The following KIF5C variants were observed in gnomAD, a reference collection of about 807,000 sequenced individuals.
KIF5C encodes kinesin family member 5C.
KIF5C carries 18 observed loss-of-function variants against 125.2 expected under a neutral mutation model. The observed-to-expected ratio is 0.14, with a 90% confidence interval of 0.10 to 0.21. The LOEUF (loss-of-function observed/expected upper bound fraction) is 0.21. Among genes scored for constraint, KIF5C ranks in the 10% least tolerant of loss-of-function variants. KIF5C has a pLI of 1.00. For synonymous variants in KIF5C, 405 were observed against 434.0 expected, an observed-to-expected ratio of 0.93 and a Z score of 0.83; for missense variants, 780 against 1,183.8, an observed-to-expected ratio of 0.66 and a Z score of 5.01.
chr2:148,929,220 A>T, intron 2 of KIF5C, 61 bp from the exon 3 acceptor site: 1 of 1,032,632 alleles, frequency 9.7e-7, no homozygotes. Flanking sequence ...AAAATATGCA[A>T]CCTACACCAG....
At chr2:148,998,063 T>G in intron 18 of KIF5C, 1 of 332,818 alleles carries the variant, frequency 3.0e-6, no homozygotes, top group East Asian at 6.3e-5. Context: ...TACAGGCTTA[T>G]CTGGAGGTTA....
intron 11 of KIF5C, among the ~76,000 whole-genome samples, chr2:148,971,773 A>G (rs1005467978): frequency 6.6e-6 from 1 of 152,186 alleles, no homozygotes; most frequent in Non-Finnish European, 1.5e-5. Flanking sequence ...GTGGTTATGC[A>G]GTGAGATAAT....
chr2:148,895,423 C>G (rs763300606), intron 1 of KIF5C, among the ~76,000 whole-genome samples: 2 of 152,134 alleles, frequency 1.3e-5, no homozygotes, highest in African/African-American at 2.4e-5. Flanking sequence ...CAGGTGTGAG[C>G]CACCGCACTT....
chr2:148,941,810 T>C (rs967245846), intron 5 of KIF5C, 125 bp from the exon 6 acceptor site: 1 of 1,460,900 alleles, frequency 6.8e-7, no homozygotes, highest in African/African-American at 1.4e-5. Context: ...CAGCCAAGGC[T>C]TAAACTTGCA....
chr2:149,005,975 A>T (rs1681993767), intron 22 of KIF5C, among the ~76,000 whole-genome samples: 2 of 152,196 alleles, frequency 1.3e-5, no homozygotes, highest in Admixed American at 6.5e-5. Context: ...ATAGGCTCAG[A>T]TGTTAAATAA....
chr2:148,991,324 C>G (rs1416624720), intron 16 of KIF5C, 126 bp downstream of exon 16: 1 of 1,421,568 alleles, frequency 7.0e-7, no homozygotes, highest in Non-Finnish European at 9.2e-7. Context: ...AGCTTGGCCT[C>G]CCCAGGTGAT....
chr2:149,001,606 G>A (rs1481344049), intron 21 of KIF5C, among the ~76,000 whole-genome samples: 7 of 152,170 alleles, frequency 4.6e-5, no homozygotes, highest in East Asian at 1.9e-4. Context: ...TTTCTCTGTC[G>A]TGTGTCTGGG....
At chr2:149,011,991 T>C (rs1682222622) in intron 25 of KIF5C, among the ~76,000 whole-genome samples, 1 of 152,194 alleles carries the variant, frequency 6.6e-6, no homozygotes, top group Non-Finnish European at 1.5e-5. Flanking sequence ...CCCTCTTTAA[T>C]TGGCATCCCA....
intron 10 of KIF5C, among the ~76,000 whole-genome samples, chr2:148,951,613 C>T (rs1019051529): frequency 1.3e-5 from 2 of 152,114 alleles, no homozygotes; most frequent in East Asian, 1.9e-4. Flanking sequence ...CAGTGCTCAG[C>T]GAGCTCTGAT....
At chr2:148,955,218 T>C (rs1682762980) in intron 10 of KIF5C, among the ~76,000 whole-genome samples, 1 of 152,188 alleles carries the variant, frequency 6.6e-6, no homozygotes, top group Non-Finnish European at 1.5e-5. Context: ...TCAGAGCAGA[T>C]TGGAAGGTTA....
intron 2 of KIF5C, among the ~76,000 whole-genome samples, chr2:148,922,507 C>T (rs1228831302): frequency 6.6e-6 from 1 of 152,174 alleles, no homozygotes; most frequent in Non-Finnish European, 1.5e-5. Flanking sequence ...GCTGTGTTCA[C>T]ACTATTTCTG....
At chr2:148,940,577 T>C (rs1682386756) in intron 4 of KIF5C, among the ~76,000 whole-genome samples, 1 of 152,222 alleles carries the variant, frequency 6.6e-6, no homozygotes. Flanking sequence ...AGCTGGGATG[T>C]AGGGATGAGG....
At chr2:148,884,875 G>A (rs1681467485) in intron 1 of KIF5C, among the ~76,000 whole-genome samples, 1 of 152,006 alleles carries the variant, frequency 6.6e-6, no homozygotes, top group African/African-American at 2.4e-5. Flanking sequence ...CTTGTCTAGT[G>A]TAGAGTCAGG....
chr2:148,883,436 G>C (rs1035525718), intron 1 of KIF5C: 1 of 152,122 alleles, frequency 6.6e-6, no homozygotes, highest in African/African-American at 2.4e-5. Context: ...GGGAGGTGGA[G>C]CTTGCAGTGA....
intron 1 of KIF5C, among the ~76,000 whole-genome samples, chr2:148,908,008 C>A (rs543984682): frequency 6.6e-6 from 1 of 152,324 alleles, no homozygotes; most frequent in South Asian, 2.1e-4. Flanking sequence ...TCTGTCCAGC[C>A]ACTCGGTTGC....
intron 3 of KIF5C, 122 bp downstream of exon 3, chr2:148,929,476 C>T: frequency 3.2e-6 from 2 of 618,692 alleles, no homozygotes; most frequent in South Asian, 4.0e-5. Context: ...TATGTTTGGC[C>T]AATTAATTAT....
At chr2:148,957,592 T>TAAAAAAAA (rs201033625) in intron 10 of KIF5C, among the ~76,000 whole-genome samples, 21 of 71,706 alleles carry the variant, frequency 2.9e-4, no homozygotes, top group South Asian at 5.7e-4. Context: ...TTTGTTCTAG[T>TAAAAAAAA]AAAAAAAAAA....
In KIF5C at chr2:149,000,453, G is replaced by A; in HGVS notation, c.2241G>A (p.Glu747=). 6.3e-7 allele frequency: 1 copy of A among 1,587,226 alleles called. No homozygotes were observed. Among genetic ancestry groups the A allele is most frequent in the East Asian group, 2.3e-5 (1 of 44,138 alleles). ...ATCAGAAACTGCAACTGGAACAGGAGAAGCTTAGTTCTGATTATAACAAGC... is the reference window on the plus strand; with the variant it reads ...ATCAGAAACTGCAACTGGAACAGGAAAAGCTTAGTTCTGATTATAACAAGC... ...DLNQKLQLEQ[E]KLSSDYNKLK... Residue 747 remains glutamate, a synonymous_variant, in exon 20 of 26, where the codon GAG becomes GAA. Transcript: ENST00000435030.
intron 11 of KIF5C, among the ~76,000 whole-genome samples, chr2:148,963,339 G>A (rs1682974630): frequency 6.6e-6 from 1 of 152,078 alleles, no homozygotes. Flanking sequence ...GGATTGGGAG[G>A]TAATGCTGAC....
Sources: gnomAD v4.1 joint callset for allele counts (sites outside exome capture counted in the v4.1 genomes callset) on GRCh38, gnomAD v4.1.1 for gene constraint, MANE v1.5 for transcripts, NCBI Gene and HGNC (gene_info 2026-07-23, HGNC 2026-07-21) for gene names.